The following TNFAIP2 variants were observed in gnomAD, a reference collection of about 807,000 sequenced individuals.
TNFAIP2 encodes the protein tumor necrosis factor alpha-induced protein 2.
TNFAIP2 carries 47 observed loss-of-function variants against 63.5 expected under a neutral mutation model. The ratio of observed to expected loss-of-function variants is 0.74; its 90% CI spans 0.59 to 0.94. The LOEUF (loss-of-function observed/expected upper bound fraction) is 0.94, where lower values mean the gene tolerates loss of function less well. Ranked by LOEUF, TNFAIP2 falls within the 40% of genes least tolerant of loss-of-function variation. The pLI, the probability that TNFAIP2 is intolerant of heterozygous loss-of-function variation, is 0.00. For missense variants in TNFAIP2, 787 were observed against 850.2 expected (o/e 0.93, Z 0.92); for synonymous variants, 405 against 390.2 (o/e 1.04, Z -0.45).
At chr14:103,122,442 A>G (rs1891146340), upstream of TNFAIP2, among the ~76,000 whole-genome samples, 1 of 152,226 alleles carries the variant, frequency 6.6e-6, no homozygotes, top group Non-Finnish European at 1.5e-5. Context: ...GCAGGAGGGA[A>G]GCCCCTGCCC....
chr14:103,133,144 A>ACG (rs1555406417), intron 9 of TNFAIP2, among the ~76,000 whole-genome samples: 14 of 16,514 alleles, frequency 8.5e-4, no homozygotes, highest in African/African-American at 7.4e-3. Flanking sequence ...GAGCATGTAA[A>ACG]CACACACATG....
chr14:103,122,929 G>C, upstream of TNFAIP2: 1 of 419,176 alleles, frequency 2.4e-6, no homozygotes, highest in Middle Eastern at 4.2e-4. Context: ...GCACAGCCGC[G>C]CGGCCAGCAC....
chr14:103,124,135 T>A (rs2087804672), intron 1 of TNFAIP2, among the ~76,000 whole-genome samples, 184 bp downstream of exon 1: 1 of 152,192 alleles, frequency 6.6e-6, no homozygotes, highest in African/African-American at 2.4e-5. Flanking sequence ...GGCTCGCTGC[T>A]GCCTGCAGGA....
chr14:103,127,262 G>C lies in TNFAIP2; in HGVS notation c.493G>C (p.Asp165His). 9.9e-7 allele frequency: 1 copy of C among 1,011,860 alleles called. No homozygotes were observed. Among genetic ancestry groups the C allele is most frequent in the Non-Finnish European group, 1.2e-6 (1 of 848,612 alleles). 62.7% of individuals were successfully genotyped at this position (1,011,860 alleles called of 1,614,324 possible). Reference protein sequence around the residue: ...LAVVAEQEREDRQAAAAGPGT... With the variant: ...LAVVAEQEREHRQAAAAGPGT... ...CGTGGTGGCGGAGCAGGAGCGCGAG[G>C]ACCGCCAGGCGGCGGCGGCGGGGCC... The change falls in exon 3 of 12, where the codon GAC (aspartate) becomes CAC (histidine). Residue 165 changes from aspartate (D) to histidine (H), a missense_variant. Physicochemically the swap from Asp to His is moderately conservative, Grantham distance 81. This residue lies in a region of TNFAIP2 where 258 missense variants were observed against 228.9 expected (regional missense o/e 1.13). Coordinates refer to ENST00000560869, the MANE Select transcript of TNFAIP2 (RefSeq NM_006291.4). This position sits in a 1 kb window ranked among gnomAD's most constrained non-coding sequence, Gnocchi z 5.1.
At position 103,131,337 on chromosome 14, in the gene TNFAIP2, A is replaced by G. The variant is rs2087968622; in HGVS notation, c.1298+187A>G. 6.6e-6 allele frequency among the ~76,000 whole-genome samples: 1 copy of G among 152,236 alleles called. No individual in the cohort carries two copies. Among genetic ancestry groups the G allele is most frequent in the Non-Finnish European group, 1.5e-5 (1 of 68,044 alleles). ...TTCCCAAGTGCTGGCTGGGGCAAGCACACAGGCAGATGTTTCACCCATTAT... is the reference window on the plus strand; with the variant it reads ...TTCCCAAGTGCTGGCTGGGGCAAGCGCACAGGCAGATGTTTCACCCATTAT... On this transcript the variant is annotated intron_variant, in intron 7 of 11. Transcript: ENST00000560869. This position sits in a 1 kb window ranked among gnomAD's most constrained non-coding sequence, Gnocchi z 4.0.
chr14:103,135,930 G>A lies in TNFAIP2; in HGVS notation c.*570G>A, dbSNP rs771641867. 1.6e-6 allele frequency: 2 copies of A among 1,289,834 alleles called. No individual in the cohort carries two copies. The highest frequency in any genetic ancestry group is 4.6e-5 in the Admixed American group (2 of 43,592). The allele number at this position is 1,289,834 out of a possible 1,614,324, so 79.9% of individuals were successfully genotyped here. ...TTTAGGGTCCTGTGGCGAGCTGTGAGCACCGCCAGCATTAGACGTCACATC... is the reference window on the plus strand; with the variant it reads ...TTTAGGGTCCTGTGGCGAGCTGTGAACACCGCCAGCATTAGACGTCACATC... On this transcript the variant is annotated 3_prime_UTR_variant, in exon 12 of 12. Coordinates refer to ENST00000560869, the MANE Select transcript of TNFAIP2 (RefSeq NM_006291.4). The surrounding 1 kb of genome is among the most constrained non-coding windows in gnomAD (Gnocchi z 7.6).
Position 103,126,670 on chromosome 14 carries a change from G to T in TNFAIP2, c.213G>T (p.Gly71=). 2 of 1,557,310 alleles carry T rather than the reference G, an allele frequency of 1.3e-6. No homozygotes were observed. Among genetic ancestry groups the T allele is most frequent in the South Asian group, 1.2e-5 (1 of 84,626 alleles). The change falls in exon 2 of 12, where the codon GGG becomes GGT. Residue 71 remains glycine, a synonymous_variant. Coordinates refer to ENST00000560869, the MANE Select transcript of TNFAIP2 (RefSeq NM_006291.4). The part of the protein sequence containing the change: ...EPEDAAGSRQ[G]LDGPPPTVEE... Reference sequence around the variant, plus strand: ...AGGACGCAGCCGGGTCCAGGCAGGGGCTGGATGGCCCGCCCCCCACAGGTG... The same window carrying T: ...AGGACGCAGCCGGGTCCAGGCAGGGTCTGGATGGCCCGCCCCCCACAGGTG...
intron 1 of TNFAIP2, among the ~76,000 whole-genome samples, chr14:103,125,931 G>A (rs1451448155): frequency 2.0e-5 from 3 of 152,262 alleles, no homozygotes; most frequent in South Asian, 2.1e-4. Flanking sequence ...CCCATGCCCC[G>A]CCTCTTCCCT....
Position 103,130,064 on chromosome 14 carries a change from T to C in TNFAIP2, c.1038T>C (p.Asp346=). 6.2e-7 allele frequency: 1 copy of C among 1,613,404 alleles called. No individual in the cohort carries two copies. The highest frequency in any genetic ancestry group is 8.5e-7 in the Non-Finnish European group (1 of 1,179,908). ...LELEARRWAE[D]VPPQRLDGHC... Reference sequence around the variant, plus strand: ...TAGAGGCACGGCGCTGGGCTGAGGATGTGCCTCCCCAGAGGCTGGACGGCC... The same window carrying C: ...TAGAGGCACGGCGCTGGGCTGAGGACGTGCCTCCCCAGAGGCTGGACGGCC... Residue 346 remains aspartate, a synonymous_variant, in exon 5 of 12, where the codon GAT becomes GAC. Transcript: ENST00000560869.
In TNFAIP2 at chr14:103,127,765, A is replaced by C. The variant is rs2087892711; in HGVS notation, c.860+136A>C. The stretch of plus-strand genomic sequence containing the variant: ...TGCAGAGTTTTGGGTCCGAGAATGC[A>C]GGGGTGGGACTTGGACTCCCTGGGG... On this transcript the variant is annotated intron_variant, in intron 3 of 11. Coordinates refer to ENST00000560869, the MANE Select transcript of TNFAIP2 (RefSeq NM_006291.4). The surrounding 1 kb of genome is among the most constrained non-coding windows in gnomAD (Gnocchi z 5.1). The C allele has an allele frequency of 3.8e-6, 4 of 1,054,094 alleles. No homozygotes were observed. The highest frequency in any genetic ancestry group is 5.2e-6 in the Non-Finnish European group (4 of 776,444). The allele number at this position is 1,054,094 out of a possible 1,614,324, so 65.3% of individuals were successfully genotyped here.
At chr14:103,126,754 G>C (rs980744605) in intron 2 of TNFAIP2, 62 bp downstream of exon 2, 1 of 1,488,306 alleles carries the variant, frequency 6.7e-7, no homozygotes. Context: ...GCTCATCCGC[G>C]TGAGTGAGCC....
chr14:103,135,557 TG>T lies in TNFAIP2; in HGVS notation c.*202del. ...GACCTTGGTTTGTTTACATGTCCGA[TG>T]GGGGCAGGAGCTCCCATCCTGGGCA... On this transcript the variant is annotated 3_prime_UTR_variant, in exon 12 of 12. Transcript: ENST00000560869. This position sits in a 1 kb window ranked among gnomAD's most constrained non-coding sequence, Gnocchi z 7.6. The T allele has an allele frequency of 2.8e-6, 4 of 1,434,192 alleles. No individual in the cohort carries two copies. The South Asian group carries it at 5.9e-5, about 21-fold the overall frequency. 88.8% of individuals were successfully genotyped at this position (1,434,192 alleles called of 1,614,324 possible).
chr14:103,136,093 G>A lies in TNFAIP2; in HGVS notation c.*733G>A. On this transcript the variant is annotated 3_prime_UTR_variant, in exon 12 of 12. Coordinates refer to ENST00000560869, the MANE Select transcript of TNFAIP2 (RefSeq NM_006291.4). ...TACCGAAGGGCCCAAGACCTCCTGG[G>A]TCCTCTCAGGCTCCCCCTTCCCCAA... 8.9e-7 allele frequency: 1 copy of A among 1,120,934 alleles called. No individual in the cohort carries two copies. Among genetic ancestry groups the A allele is most frequent in the Non-Finnish European group, 1.1e-6 (1 of 876,152 alleles). 69.4% of individuals were successfully genotyped at this position (1,120,934 alleles called of 1,614,324 possible).
chr14:103,127,630 G>A lies in TNFAIP2; in HGVS notation c.860+1G>A. 3 of 1,490,914 alleles carry A rather than the reference G, an allele frequency of 2.0e-6. No homozygotes were observed. Among genetic ancestry groups the A allele is most frequent in the Non-Finnish European group, 1.8e-6 (2 of 1,118,048 alleles). 92.4% of individuals were successfully genotyped at this position (1,490,914 alleles called of 1,614,324 possible). On this transcript the variant is annotated splice_donor_variant, in intron 3 of 11. Coordinates refer to ENST00000560869, the MANE Select transcript of TNFAIP2 (RefSeq NM_006291.4). LOFTEE classifies it high-confidence loss of function. The surrounding 1 kb of genome is among the most constrained non-coding windows in gnomAD (Gnocchi z 5.1). ...TCTGGGTGCAGAACCTCTACCCCAA[G>A]TGAGCAGACCAGGGGCTGGGCCCGG...
intron 8 of TNFAIP2, 62 bp from the exon 9 acceptor site, chr14:103,132,688 T>C: frequency 6.3e-7 from 1 of 1,577,636 alleles, no homozygotes; most frequent in Non-Finnish European, 8.6e-7. Context: ...TGTCTGCGTG[T>C]CTGCGGCTGG....
chr14:103,131,291 TGCA>T lies in TNFAIP2; in HGVS notation c.1298+154_1298+156del, dbSNP rs914073028. Reference sequence around the variant, plus strand: ...CAACATGTGTGAGGACTCCACGGCCTGCAGCAGCAGCAGCAAACATTTCCCAAG... The same window carrying T: ...CAACATGTGTGAGGACTCCACGGCCTGCAGCAGCAGCAAACATTTCCCAAG... On this transcript the variant is annotated intron_variant, in intron 7 of 11. Transcript: ENST00000560869. This position sits in a 1 kb window ranked among gnomAD's most constrained non-coding sequence, Gnocchi z 4.0. 64 of 885,744 alleles carry T rather than the reference TGCA, an allele frequency of 7.2e-5. No individual in the cohort carries two copies. Among genetic ancestry groups the T allele is most frequent in the Middle Eastern group, 5.9e-4 (2 of 3,394 alleles). The allele number at this position is 885,744 out of a possible 1,614,324, so 54.9% of individuals were successfully genotyped here.
chr14:103,126,762 G>C (rs2087862672), intron 2 of TNFAIP2, 70 bp downstream of exon 2: 3 of 1,468,990 alleles, frequency 2.0e-6, no homozygotes, highest in Non-Finnish European at 2.8e-6. Flanking sequence ...GCGTGAGTGA[G>C]CCACTTGCAC....
intron 4 of TNFAIP2, 30 bp downstream of exon 4, chr14:103,129,884 A>G (rs765308138): frequency 2.4e-5 from 38 of 1,609,864 alleles, no homozygotes; most frequent in Non-Finnish European, 3.1e-5. Context: ...AGGGAGGGGC[A>G]GGGAGGCAGC....
chr14:103,136,743 G>C lies in TNFAIP2; in HGVS notation c.*1383G>C, dbSNP rs2088102135. On this transcript the variant is annotated 3_prime_UTR_variant, in exon 12 of 12. Coordinates refer to ENST00000560869, the MANE Select transcript of TNFAIP2 (RefSeq NM_006291.4). ...CTTGTCTGGAACTCCTGGGCTCAAG[G>C]GATCTTGTAGCCTTAGCCTCCTAAA... 1 of 152,096 alleles carries C rather than the reference G, an allele frequency of 6.6e-6. No homozygotes were observed. Among genetic ancestry groups the C allele is most frequent in the Admixed American group, 6.6e-5 (1 of 15,266 alleles). The allele number at this position is 152,096 out of a possible 1,614,324, so 9.4% of individuals were successfully genotyped here.
Sources: gnomAD v4.1 joint callset for allele counts (sites outside exome capture counted in the v4.1 genomes callset) on GRCh38, gnomAD v4.1.1 for gene constraint, gnomAD v4.1.1 regional missense constraint, Gnocchi (gnomAD v3.1) non-coding constraint, MANE v1.5 for transcripts, NCBI Gene and HGNC (gene_info 2026-07-23, HGNC 2026-07-21) for gene names.